The following NCKAP5 variants were observed in gnomAD, a reference collection of about 807,000 sequenced individuals.
The protein encoded by NCKAP5 is nck-associated protein 5.
A neutral mutation model predicts 167.0 loss-of-function variants in NCKAP5; 92 were observed. The observed-to-expected ratio is 0.55, with a 90% CI of 0.47 to 0.66. The LOEUF (loss-of-function observed/expected upper bound fraction) is 0.66. NCKAP5 is among the 30% of genes least tolerant of loss of function. The probability of loss-of-function intolerance (pLI) is 0.00; values close to 1 mark genes in which losing one functional copy is unlikely to be tolerated. For synonymous variants in NCKAP5, 891 were observed against 877.4 expected (o/e 1.02, Z -0.27); for missense variants, 2,378 against 2,315.0 (o/e 1.03, Z -0.56).
At chr2:133,543,016 A>G (rs1319598153) in intron 2 of NCKAP5, among the ~76,000 whole-genome samples, 2 of 152,148 alleles carry the variant, frequency 1.3e-5, no homozygotes, top group Non-Finnish European at 2.9e-5. Flanking sequence ...ATATGGTTTA[A>G]ATGTTTTGTC....
At chr2:133,139,052 G>C (rs1334863002) in intron 5 of NCKAP5, among the ~76,000 whole-genome samples, 4 of 152,142 alleles carry the variant, frequency 2.6e-5, no homozygotes, top group African/African-American at 9.7e-5. Flanking sequence ...TTGGCTCATG[G>C]ATCTCTCTCT....
intron 3 of NCKAP5, among the ~76,000 whole-genome samples, chr2:133,473,115 T>C (rs1211943120): frequency 3.9e-5 from 6 of 152,036 alleles, no homozygotes; most frequent in Non-Finnish European, 8.8e-5. Context: ...GGGTGGATCA[T>C]GAGGTCAGGA....
intron 2 of NCKAP5, among the ~76,000 whole-genome samples, chr2:133,543,212 C>A (rs1349657932): frequency 6.6e-6 from 1 of 152,116 alleles, no homozygotes; most frequent in Non-Finnish European, 1.5e-5. Flanking sequence ...CCTCCTCCCT[C>A]TCTCTCTTGT....
chr2:132,852,240 G>A (rs781604046), intron 11 of NCKAP5, among the ~76,000 whole-genome samples: 1 of 152,122 alleles, frequency 6.6e-6, no homozygotes, highest in Non-Finnish European at 1.5e-5. Flanking sequence ...TTTCTTATGT[G>A]TTTGAAATAT....
chr2:133,066,476 G>C (rs944613421), intron 6 of NCKAP5, among the ~76,000 whole-genome samples: 3 of 152,134 alleles, frequency 2.0e-5, no homozygotes, highest in Non-Finnish European at 2.9e-5. Flanking sequence ...CCCAAGTAGA[G>C]AAATTATATG....
chr2:133,660,838 C>T, the NCKAP5 span, among the ~76,000 whole-genome samples: 1 of 152,030 alleles, frequency 6.6e-6, no homozygotes, highest in Non-Finnish European at 1.5e-5. Context: ...GAGATTTGCA[C>T]CTTTGCTCAT....
chr2:132,822,223 A>G (rs1329676724), intron 11 of NCKAP5, among the ~76,000 whole-genome samples: 6 of 152,178 alleles, frequency 3.9e-5, no homozygotes, highest in East Asian at 3.9e-4. Context: ...CCATGTGACA[A>G]CTTCACTGCT....
At chr2:133,213,374 T>C (rs1282143007) in intron 5 of NCKAP5, among the ~76,000 whole-genome samples, 1 of 152,180 alleles carries the variant, frequency 6.6e-6, no homozygotes, top group Non-Finnish European at 1.5e-5. Context: ...GTTTGTTTTT[T>C]AAGTTCAAAG....
At chr2:133,425,703 G>A (rs1463094166) in intron 3 of NCKAP5, among the ~76,000 whole-genome samples, 2 of 152,156 alleles carry the variant, frequency 1.3e-5, no homozygotes, top group Non-Finnish European at 2.9e-5. Flanking sequence ...AATACAAAAA[G>A]AGTCTGAAAC....
intron 6 of NCKAP5, among the ~76,000 whole-genome samples, chr2:133,101,944 C>T (rs1033773292): frequency 2.6e-5 from 4 of 152,016 alleles, no homozygotes; most frequent in Non-Finnish European, 5.9e-5. Flanking sequence ...ATACATAAGC[C>T]AGGCTCAGCA....
chr2:132,913,138 T>C (rs1447541), intron 8 of NCKAP5, among the ~76,000 whole-genome samples: 1 of 151,654 alleles, frequency 6.6e-6, no homozygotes, highest in Non-Finnish European at 1.5e-5. Flanking sequence ...CTGGTGATCG[T>C]AGCTGAATCA....
At chr2:132,726,436 C>T (rs1039737119) in intron 18 of NCKAP5, among the ~76,000 whole-genome samples, 12 of 152,138 alleles carry the variant, frequency 7.9e-5, no homozygotes, top group East Asian at 3.9e-4. Context: ...ATTGCTGAGG[C>T]GGTTGACGCT....
At chr2:132,699,921 G>A (rs1194415957) in intron 19 of NCKAP5, among the ~76,000 whole-genome samples, 3 of 152,182 alleles carry the variant, frequency 2.0e-5, no homozygotes, top group African/African-American at 7.2e-5. Context: ...TTCCACAATG[G>A]TTGAACTAGC....
At chr2:133,190,561 C>T (rs990035782) in intron 5 of NCKAP5, among the ~76,000 whole-genome samples, 1 of 152,102 alleles carries the variant, frequency 6.6e-6, no homozygotes, top group African/African-American at 2.4e-5. Context: ...GGTACTGGTA[C>T]CAAAACAGAG....
intron 8 of NCKAP5, among the ~76,000 whole-genome samples, chr2:132,904,503 T>G (rs1472136756): frequency 6.6e-6 from 1 of 151,982 alleles, no homozygotes; most frequent in East Asian, 1.9e-4. Context: ...CATCATGGAG[T>G]ATTTTGAAAG....
At chr2:133,158,011 T>C (rs2083640180) in intron 5 of NCKAP5, among the ~76,000 whole-genome samples, 1 of 152,208 alleles carries the variant, frequency 6.6e-6, no homozygotes, top group East Asian at 1.9e-4. Flanking sequence ...ATGCATGTTG[T>C]ATCATAAAAA....
At chr2:133,246,091 T>C (rs752975783) in intron 4 of NCKAP5, among the ~76,000 whole-genome samples, 2 of 151,992 alleles carry the variant, frequency 1.3e-5, no homozygotes, top group Non-Finnish European at 2.9e-5. Flanking sequence ...GAAACATGCA[T>C]AGCATCTGAA....
chr2:132,982,324 A>C (rs1252805378), intron 7 of NCKAP5, among the ~76,000 whole-genome samples: 1 of 152,170 alleles, frequency 6.6e-6, no homozygotes, highest in East Asian at 1.9e-4. Flanking sequence ...ATTCCAGCTA[A>C]TTAGGTTGCC....
chr2:132,995,625 T>A lies in NCKAP5; in HGVS notation c.342-1386A>T, dbSNP rs559518444. On this transcript the variant is annotated intron_variant, in intron 6 of 19. Coordinates refer to ENST00000409261, the MANE Select transcript of NCKAP5 (RefSeq NM_207363.3). ...AGGATCACACCACCGCACTCCAGCC[T>A]GGGCGACAGAGACTCTATCTGAAAA... 8.6e-5 allele frequency among the ~76,000 whole-genome samples: 13 copies of A among 150,674 alleles called. No individual in the cohort carries two copies. In the East Asian group the frequency reaches 1.6e-3, roughly 18 times the overall value.
Sources: gnomAD v4.1 joint callset for allele counts (sites outside exome capture counted in the v4.1 genomes callset) on GRCh38, gnomAD v4.1.1 for gene constraint, MANE v1.5 for transcripts, NCBI Gene and HGNC (gene_info 2026-07-23, HGNC 2026-07-21) for gene names.